The following SPAG16 variants were observed in gnomAD, a reference collection of about 807,000 sequenced individuals.
The protein encoded by SPAG16 is sperm associated antigen 16.
A neutral mutation model predicts 80.4 loss-of-function variants in SPAG16; 86 were observed. The ratio of observed to expected loss-of-function variants is 1.07; its 90% CI spans 0.90 to 1.28. The LOEUF (loss-of-function observed/expected upper bound fraction) is 1.28, where lower values mean the gene tolerates loss of function less well. SPAG16 is among the 50% of genes most tolerant of loss of function. The pLI, the probability that SPAG16 is intolerant of heterozygous loss-of-function variation, is 0.00. For synonymous variants in SPAG16, 294 were observed against 265.9 expected (o/e 1.11, Z -1.03); for missense variants, 870 against 765.3 (o/e 1.14, Z -1.61).
chr2:214,015,380 C>A lies in SPAG16; in HGVS notation c.1527+1303C>A, dbSNP rs952843512. Among the ~76,000 whole-genome samples, 3 of 152,116 alleles carry A rather than the reference C, an allele frequency of 2.0e-5. No individual in the cohort carries two copies. The East Asian group carries it at 5.8e-4, about 29-fold the overall frequency. ...TTGGGAGGCTAAGGCAGGTGGATCA[C>A]TGGAGGTCAGGAGTTCCAGACCAGC... On this transcript the variant is annotated intron_variant, in intron 13 of 15. Coordinates refer to ENST00000331683, the MANE Select transcript of SPAG16 (RefSeq NM_024532.5).
chr2:213,497,017 C>A (rs950514908), intron 10 of SPAG16, among the ~76,000 whole-genome samples: 34 of 151,696 alleles, frequency 2.2e-4, no homozygotes, highest in Non-Finnish European at 3.7e-4. Context: ...CAAGAAAATT[C>A]CCCTTAGGAA....
At chr2:213,594,481 T>C (rs2060817492) in intron 10 of SPAG16, among the ~76,000 whole-genome samples, 1 of 152,204 alleles carries the variant, frequency 6.6e-6, no homozygotes, top group Non-Finnish European at 1.5e-5. Flanking sequence ...GACTGTTGTT[T>C]CATGCATTTG....
intron 9 of SPAG16, among the ~76,000 whole-genome samples, chr2:213,409,467 AC>A (rs2068842356): frequency 6.6e-6 from 1 of 152,232 alleles, no homozygotes; most frequent in Non-Finnish European, 1.5e-5. Flanking sequence ...GTGTAAACAT[AC>A]TCGCTAAAGT....
intron 15 of SPAG16, chr2:214,241,358 CAAA>C (rs34846102): frequency 1.9e-4 from 20 of 107,276 alleles, no homozygotes; most frequent in East Asian, 2.4e-4. Flanking sequence ...ACTCCGTTGC[CAAA>C]AAAAAAAAAA....
intron 10 of SPAG16, among the ~76,000 whole-genome samples, chr2:213,833,425 C>T (rs190520048): frequency 2.1e-5 from 1 of 48,298 alleles, no homozygotes; most frequent in African/African-American, 7.6e-5. Context: ...ATGTATGTAT[C>T]TATGTATGTG....
intron 13 of SPAG16, among the ~76,000 whole-genome samples, chr2:214,103,233 C>T (rs1343831034): frequency 6.6e-6 from 1 of 152,146 alleles, no homozygotes; most frequent in Non-Finnish European, 1.5e-5. Flanking sequence ...GAGATTGTCT[C>T]TCTCTGGCTA....
chr2:214,367,450 C>T (rs1188654344), intron 15 of SPAG16, among the ~76,000 whole-genome samples: 1 of 152,124 alleles, frequency 6.6e-6, no homozygotes, highest in African/African-American at 2.4e-5. Flanking sequence ...AGAAACTCTA[C>T]ATCAAACTTA....
intron 13 of SPAG16, among the ~76,000 whole-genome samples, chr2:214,027,426 A>G (rs2048189277): frequency 2.0e-5 from 3 of 151,668 alleles, no homozygotes. Flanking sequence ...GTTTCTAAGT[A>G]ATTGATCTTC....
At chr2:214,159,522 C>T (rs896226045) in intron 15 of SPAG16, among the ~76,000 whole-genome samples, 19 of 151,912 alleles carry the variant, frequency 1.3e-4, no homozygotes, top group Admixed American at 7.9e-4. Flanking sequence ...TGCAAATCAA[C>T]CCAGAACAAA....
chr2:214,020,292 A>T (rs1019194626), intron 13 of SPAG16, among the ~76,000 whole-genome samples: 11 of 152,150 alleles, frequency 7.2e-5, no homozygotes, highest in Non-Finnish European at 1.5e-4. Context: ...TCTCCAAACT[A>T]TTTTTTATAA....
At chr2:214,033,516 A>T (rs943015348) in intron 13 of SPAG16, among the ~76,000 whole-genome samples, 7 of 152,182 alleles carry the variant, frequency 4.6e-5, no homozygotes, top group African/African-American at 1.7e-4. Flanking sequence ...AGATGGTAGC[A>T]GTGAGCTGAT....
At chr2:214,084,942 G>A (rs891834953) in intron 13 of SPAG16, among the ~76,000 whole-genome samples, 11 of 152,178 alleles carry the variant, frequency 7.2e-5, no homozygotes, top group African/African-American at 2.7e-4. Context: ...TATGTGGTAA[G>A]TGCTGTTTTA....
chr2:213,924,168 A>C (rs4673796), intron 11 of SPAG16, among the ~76,000 whole-genome samples: 88,560 of 151,636 alleles, frequency 0.58, 27,637 homozygotes, highest in South Asian at 0.84. Flanking sequence ...CTATGCCTTT[A>C]TTCAGGTGAT....
intron 15 of SPAG16, among the ~76,000 whole-genome samples, chr2:214,254,882 C>T (rs993793332): frequency 6.6e-6 from 1 of 151,400 alleles, no homozygotes. Flanking sequence ...TGATGTTATT[C>T]TTTTAACTGA....
At chr2:214,030,145 A>G (rs543778495) in intron 13 of SPAG16, among the ~76,000 whole-genome samples, 1 of 152,222 alleles carries the variant, frequency 6.6e-6, no homozygotes, top group Admixed American at 6.6e-5. Context: ...CCCCTTCCGC[A>G]GGTCCTAGCA....
chr2:213,882,942 G>A (rs529124983), intron 11 of SPAG16, among the ~76,000 whole-genome samples: 5 of 151,922 alleles, frequency 3.3e-5, no homozygotes, highest in African/African-American at 7.3e-5. Context: ...GCGCGATCTC[G>A]GCTCACTGCA....
chr2:213,329,730 A>T (rs1220316783), intron 5 of SPAG16, among the ~76,000 whole-genome samples: 1 of 152,178 alleles, frequency 6.6e-6, no homozygotes, highest in Non-Finnish European at 1.5e-5. Flanking sequence ...AATGTTAATC[A>T]CCAAGACAAT....
intron 10 of SPAG16, among the ~76,000 whole-genome samples, chr2:213,633,591 A>T (rs2062238663): frequency 6.6e-6 from 1 of 152,212 alleles, no homozygotes; most frequent in Middle Eastern, 3.4e-3. Flanking sequence ...ATATAGTGCC[A>T]GTAAGATCTG....
At chr2:213,538,854 C>A (rs2076337898) in intron 10 of SPAG16, among the ~76,000 whole-genome samples, 1 of 152,116 alleles carries the variant, frequency 6.6e-6, no homozygotes, top group South Asian at 2.1e-4. Context: ...ATCTATCTAT[C>A]ATCTATATAT....
Sources: gnomAD v4.1 joint callset for allele counts (sites outside exome capture counted in the v4.1 genomes callset) on GRCh38, gnomAD v4.1.1 for gene constraint, MANE v1.5 for transcripts, NCBI Gene and HGNC (gene_info 2026-07-23, HGNC 2026-07-21) for gene names.